The following ALDH1L2 variants were observed in gnomAD, a reference collection of about 807,000 sequenced individuals.
The protein encoded by ALDH1L2 is mitochondrial 10-formyltetrahydrofolate dehydrogenase.
In ALDH1L2, 91 loss-of-function variants were observed where a neutral mutation model predicts 111.0. That is an observed-to-expected ratio of 0.82 (90% CI 0.69 to 0.98). ALDH1L2 has a LOEUF of 0.98. ALDH1L2 is among the 50% of genes least tolerant of loss of function. ALDH1L2 has a pLI of 0.00. For synonymous variants in ALDH1L2, 374 were observed against 392.6 expected, an observed-to-expected ratio of 0.95 and a Z score of 0.56; for missense variants, 995 against 1,126.8, an observed-to-expected ratio of 0.88 and a Z score of 1.67.
chr12:105,022,685 T>C lies in ALDH1L2; in HGVS notation c.*1739A>G, dbSNP rs1874217873. 1 of 152,192 alleles carries C rather than the reference T, an allele frequency of 6.6e-6. No homozygotes were observed. Among genetic ancestry groups the C allele is most frequent in the Non-Finnish European group, 1.5e-5 (1 of 68,028 alleles). The allele number at this position is 152,192 out of a possible 1,614,324, so 9.4% of individuals were successfully genotyped here. The stretch of plus-strand genomic sequence containing the variant: ...ATTTCAGCTGTGCCAAACTCTGGGA[T>C]GGTAAATGAGCTATAGTATAATCAA... On this transcript the variant is annotated 3_prime_UTR_variant, in exon 23 of 23. Transcript: ENST00000258494.
intron 5 of ALDH1L2, among the ~76,000 whole-genome samples, chr12:105,065,793 A>G (rs1044470742): frequency 6.8e-6 from 1 of 147,824 alleles, no homozygotes; most frequent in Non-Finnish European, 1.5e-5. Flanking sequence ...GGTTTATGGG[A>G]CCCTCCATAT....
At position 105,021,958 on chromosome 12, in the gene ALDH1L2, G is replaced by A. The variant is rs528548987; in HGVS notation, c.*2466C>T. On this transcript the variant is annotated 3_prime_UTR_variant, in exon 23 of 23. Coordinates refer to ENST00000258494, the MANE Select transcript of ALDH1L2 (RefSeq NM_001034173.4). ...GCTTTAGCAAAGGCATGGGGATGGG[G>A]AATTAGAAGGAAAGTGGAACTGCTT... 1 of 152,294 alleles carries A rather than the reference G, an allele frequency of 6.6e-6. No individual in the cohort carries two copies. The highest frequency in any genetic ancestry group is 2.4e-5 in the African/African-American group (1 of 41,554). The allele number at this position is 152,294 out of a possible 1,614,324, so 9.4% of individuals were successfully genotyped here.
chr12:105,050,054 C>A lies in ALDH1L2; in HGVS notation c.1540G>T (p.Ala514Ser). 6.3e-7 allele frequency: 1 copy of A among 1,593,010 alleles called. No individual in the cohort carries two copies. Among genetic ancestry groups the A allele is most frequent in the Non-Finnish European group, 8.5e-7 (1 of 1,169,812 alleles). ...TCTTGGTTCTCTTCCAGTAGGTCTG[C>A]AAGTCTGTGTGGTCAGTGAAAGAAA... ...RERGRLMYRL[A>S]DLLEENQEEL... is the part of the protein sequence containing the mutation. Residue 514 changes from alanine to serine, a missense_variant, in exon 13 of 23, where the codon GCA becomes TCA. By Grantham distance (99) the Ala-to-Ser change is moderately conservative. Coordinates refer to ENST00000258494, the MANE Select transcript of ALDH1L2 (RefSeq NM_001034173.4).
chr12:105,065,984 T>G (rs562849415), intron 5 of ALDH1L2, among the ~76,000 whole-genome samples: 2 of 152,284 alleles, frequency 1.3e-5, no homozygotes, highest in Admixed American at 6.5e-5. Context: ...CAGGTTTTTG[T>G]TTTTTGTTTT....
chr12:105,062,011 G>A (rs779545668), intron 7 of ALDH1L2, among the ~76,000 whole-genome samples: 11 of 152,304 alleles, frequency 7.2e-5, no homozygotes, highest in Middle Eastern at 3.4e-3. Flanking sequence ...ACACTTGGAC[G>A]TAGGTATTTG....
Position 105,070,522 on chromosome 12 carries a change from T to C in ALDH1L2, c.428+48A>G, listed in dbSNP as rs1408746094. 6 of 1,463,970 alleles carry C rather than the reference T, an allele frequency of 4.1e-6. No homozygotes were observed. In the Admixed American group the frequency reaches 1.0e-4, roughly 25 times the overall value. 90.7% of individuals were successfully genotyped at this position (1,463,970 alleles called of 1,614,324 possible). On this transcript the variant is annotated intron_variant, in intron 3 of 22. Coordinates refer to ENST00000258494, the MANE Select transcript of ALDH1L2 (RefSeq NM_001034173.4). ...GAGTTTGAACCCAGACTGGGCAACA[T>C]AGCAAGACCCCATCTCAAAAAAAAA... is the stretch of plus-strand genomic sequence containing the variant.
Position 105,039,857 on chromosome 12 carries a change from G to A in ALDH1L2, c.1952-51C>T, listed in dbSNP as rs554423553. The A allele has an allele frequency of 1.3e-4, 206 of 1,557,056 alleles. 7 individuals carry two copies. In the South Asian group the frequency reaches 1.8e-3, roughly 13 times the overall value. On this transcript the variant is annotated intron_variant, in intron 16 of 22. Transcript: ENST00000258494. ...AATTAAAACATACTCAAGGCCGGGCGCGGTGGCTTACGCCTGTAATCCCCG... is the reference window on the plus strand; with the variant it reads ...AATTAAAACATACTCAAGGCCGGGCACGGTGGCTTACGCCTGTAATCCCCG...
chr12:105,081,411 G>T (rs1878330945), intron 1 of ALDH1L2, among the ~76,000 whole-genome samples: 1 of 152,134 alleles, frequency 6.6e-6, no homozygotes, highest in Non-Finnish European at 1.5e-5. Context: ...AATAAAGCAG[G>T]TACTTGGTTC....
intron 12 of ALDH1L2, chr12:105,050,626 T>C (rs1876197347): frequency 2.3e-6 from 1 of 442,462 alleles, no homozygotes; most frequent in Non-Finnish European, 4.5e-6. Context: ...GCTGTTCCTT[T>C]GGGGCCACTC....
chr12:105,059,277 AATAATAAT>A (rs1876838495), intron 9 of ALDH1L2, among the ~76,000 whole-genome samples: 1 of 11,196 alleles, frequency 8.9e-5, no homozygotes, highest in South Asian at 5.0e-3. Context: ...AAATAATAAT[AATAATAAT>A]AATAATAATA....
Position 105,020,858 on chromosome 12 carries a change from G to C in ALDH1L2, c.*3566C>G, listed in dbSNP as rs1268397286. The C allele has an allele frequency of 6.6e-6, 1 of 152,168 alleles. No homozygotes were observed. Among genetic ancestry groups the C allele is most frequent in the East Asian group, 1.9e-4 (1 of 5,196 alleles). 9.4% of individuals were successfully genotyped at this position (152,168 alleles called of 1,614,324 possible). On this transcript the variant is annotated 3_prime_UTR_variant, in exon 23 of 23. Transcript: ENST00000258494. ...TGGCATGCATCTCTTCCCAAACTCT[G>C]TATTCAGTGAAGGCAAATTAGTGGC...
chr12:105,066,073 C>G (rs1454785946), intron 5 of ALDH1L2, among the ~76,000 whole-genome samples: 1 of 152,156 alleles, frequency 6.6e-6, no homozygotes, highest in African/African-American at 2.4e-5. Flanking sequence ...CTCAGCCTCC[C>G]AAAGTGCTGG....
intron 1 of ALDH1L2, among the ~76,000 whole-genome samples, chr12:105,078,082 T>C (rs1046544598): frequency 6.6e-6 from 1 of 152,290 alleles, no homozygotes; most frequent in East Asian, 1.9e-4. Context: ...TAGTGCATGG[T>C]AGAGGTGGCA....
chr12:105,049,643 G>A (rs1405369023), intron 13 of ALDH1L2: 1 of 274,108 alleles, frequency 3.6e-6, no homozygotes, highest in Non-Finnish European at 6.9e-6. Flanking sequence ...GCACTACAAG[G>A]CACCATCTTA....
chr12:105,057,559 T>C (rs1453604549), intron 10 of ALDH1L2, among the ~76,000 whole-genome samples: 2 of 152,050 alleles, frequency 1.3e-5, no homozygotes, highest in Non-Finnish European at 2.9e-5. Context: ...ACTTATACAA[T>C]AGAATATTAC....
At chr12:105,034,983 C>CATTAAATAA (rs1555224168) in intron 18 of ALDH1L2, among the ~76,000 whole-genome samples, 61 of 139,994 alleles carry the variant, frequency 4.4e-4, no homozygotes, top group African/African-American at 1.8e-3. Context: ...GATTCCATCT[C>CATTAAATAA]ATAAATAAAT....
intron 16 of ALDH1L2, among the ~76,000 whole-genome samples, chr12:105,040,141 A>C (rs1053839828): frequency 2.0e-5 from 3 of 151,352 alleles, no homozygotes; most frequent in Non-Finnish European, 2.9e-5. Context: ...AAAAAAAAAA[A>C]AAAAAAAAAA....
Position 105,058,166 on chromosome 12 carries a change from A to G in ALDH1L2, c.1194T>C (p.Asp398=), listed in dbSNP as rs773042273. The G allele has an allele frequency of 1.2e-6, 2 of 1,613,082 alleles. No individual in the cohort carries two copies. The highest frequency in any genetic ancestry group is 1.7e-6 in the Non-Finnish European group (2 of 1,179,704). The part of the protein sequence containing the change: ...KCGGLQLQNE[D]VYMATKFEGF... The stretch of plus-strand genomic sequence containing the variant: ...CTTCAAACTTGGTGGCCATATAGAC[A>G]TCTTCATTCTGCAACTGAAGCCCAC... Residue 398 remains aspartate, a synonymous_variant, in exon 10 of 23, where the codon GAT becomes GAC. Transcript: ENST00000258494.
rs138736198 is a variant in ALDH1L2 at position 105,065,480 on chromosome 12, T to TA, written c.697-125dup. The TA allele has an allele frequency of 3.4e-3, 2,402 of 707,980 alleles. 48 individuals carry two copies. In the African/African-American group the frequency reaches 0.039, roughly 11 times the overall value. The allele number at this position is 707,980 out of a possible 1,614,324, so 43.9% of individuals were successfully genotyped here. On this transcript the variant is annotated intron_variant, in intron 5 of 22. Transcript: ENST00000258494. ...GGGAAATAAAGGAATTTTTGCTTCT[T>TA]AGTTTTATTTGGAGTAAGTATTTTG...
Sources: allele counts gnomAD v4.1 joint callset (sites outside exome capture counted in the v4.1 genomes callset), GRCh38; gene constraint gnomAD v4.1.1; transcripts MANE v1.5; gene names NCBI Gene and HGNC (gene_info 2026-07-23, HGNC 2026-07-21).